The following CDH23 variants were observed in gnomAD, a reference collection of about 807,000 sequenced individuals.
The protein encoded by CDH23 is cadherin-23.
Under a neutral mutation model 317.1 loss-of-function variants are expected in CDH23, and 189 were observed. The ratio of observed to expected loss-of-function variants is 0.60; its 90% CI spans 0.53 to 0.67. The LOEUF (loss-of-function observed/expected upper bound fraction) is 0.67. Among genes scored for constraint, CDH23 ranks in the 30% least tolerant of loss-of-function variants. The pLI, the probability that CDH23 is intolerant of heterozygous loss-of-function variation, is 0.00. For missense variants in CDH23, 4,401 were observed against 4,592.4 expected (o/e 0.96, Z 1.20); for synonymous variants, 1,839 against 1,876.8 (o/e 0.98, Z 0.52).
At chr10:71,671,115 A>G (rs10823819) in intron 14 of CDH23, among the ~76,000 whole-genome samples, 3,123 of 152,182 alleles carry the variant, frequency 0.021, 182 homozygotes, top group East Asian at 0.16. Flanking sequence ...AATTGCCACC[A>G]TGCCTGGCTA....
chr10:71,741,770 A>C lies in CDH23; in HGVS notation c.4694A>C (p.Tyr1565Ser), dbSNP rs727504606. ...RDIGINSVLS[Y>S]YITEGNKDMA... ...ATCGGGATCAACAGTGTTCTGTCCTACTACATCACCGAGGGCAACAAGGAC... is the reference window on the plus strand; with the variant it reads ...ATCGGGATCAACAGTGTTCTGTCCTCCTACATCACCGAGGGCAACAAGGAC... The change falls in exon 38 of 70, where the codon TAC becomes TCC. Residue 1565 changes from tyrosine (Y) to serine (S), a missense_variant. Tyr to Ser is a moderately radical substitution (Grantham distance 144, BLOSUM62 -2). Transcript: ENST00000224721. The C allele has an allele frequency of 3.3e-5, 53 of 1,612,610 alleles. No homozygotes were observed. Among genetic ancestry groups the C allele is most frequent in the Non-Finnish European group, 3.9e-5 (46 of 1,179,414 alleles).
At chr10:71,443,004 T>C (rs1266301071) in intron 2 of CDH23, among the ~76,000 whole-genome samples, 4 of 152,140 alleles carry the variant, frequency 2.6e-5, no homozygotes, top group Non-Finnish European at 5.9e-5. Flanking sequence ...CCAGCAGCAG[T>C]GGCAGAGCAT....
chr10:71,623,811 T>C (rs1323318531), intron 11 of CDH23, among the ~76,000 whole-genome samples: 1 of 152,218 alleles, frequency 6.6e-6, no homozygotes, highest in African/African-American at 2.4e-5. Flanking sequence ...TCAGCCTTTA[T>C]GACAGAGGCT....
At position 71,741,077 on chromosome 10, in the gene CDH23, G is replaced by A. The variant is rs571965982; in HGVS notation, c.4617+127G>A. 2.7e-5 allele frequency: 30 copies of A among 1,117,816 alleles called. 1 individual carries two copies. In the South Asian group the frequency reaches 3.7e-4, roughly 14 times the overall value. 69.2% of individuals were successfully genotyped at this position (1,117,816 alleles called of 1,614,324 possible). ...CCCTCAGATCTCATGGATGGGAACTGTGGCTCATTCGTAGTGATAGCCCTA... is the reference window on the plus strand; with the variant it reads ...CCCTCAGATCTCATGGATGGGAACTATGGCTCATTCGTAGTGATAGCCCTA... On this transcript the variant is annotated intron_variant, in intron 37 of 69. Transcript: ENST00000224721.
intron 6 of CDH23, among the ~76,000 whole-genome samples, chr10:71,520,640 C>A (rs1854618195): frequency 6.6e-6 from 1 of 152,232 alleles, no homozygotes; most frequent in Non-Finnish European, 1.5e-5. Flanking sequence ...CCCCTCTGGG[C>A]AGCTCCCCAA....
intron 28 of CDH23, among the ~76,000 whole-genome samples, chr10:71,721,943 C>A (rs1484869866): frequency 6.6e-6 from 1 of 152,234 alleles, no homozygotes; most frequent in Non-Finnish European, 1.5e-5. Flanking sequence ...TCTTCCCAAC[C>A]TTCTCTGCTA....
intron 14 of CDH23, among the ~76,000 whole-genome samples, chr10:71,654,315 C>T (rs919495960): frequency 6.6e-5 from 10 of 152,198 alleles, no homozygotes; most frequent in African/African-American, 1.9e-4. Context: ...GTGGCTTGCC[C>T]TGGCACAGGA....
intron 6 of CDH23, among the ~76,000 whole-genome samples, chr10:71,561,072 C>T (rs989166388): frequency 6.6e-6 from 1 of 152,006 alleles, no homozygotes; most frequent in African/African-American, 2.4e-5. Context: ...CTTCCTTTCT[C>T]TTGCTGCTTA....
At chr10:71,620,572 C>T (rs970986509) in intron 11 of CDH23, among the ~76,000 whole-genome samples, 1 of 152,222 alleles carries the variant, frequency 6.6e-6, no homozygotes, top group Non-Finnish European at 1.5e-5. Context: ...GACCGCCCCC[C>T]ACCCAGGCTC....
chr10:71,736,995 C>G (rs1204523943), intron 34 of CDH23, among the ~76,000 whole-genome samples: 1 of 152,150 alleles, frequency 6.6e-6, no homozygotes, highest in Admixed American at 6.6e-5. Flanking sequence ...ACGGCAAGCA[C>G]AAAAGCCCTG....
chr10:71,561,887 A>G (rs1427861949), intron 6 of CDH23, among the ~76,000 whole-genome samples: 2 of 152,154 alleles, frequency 1.3e-5, no homozygotes, highest in African/African-American at 4.8e-5. Flanking sequence ...GGGGTGGGGC[A>G]GAGAAGTGGG....
intron 8 of CDH23, 119 bp from the exon 9 acceptor site, chr10:71,577,795 C>A: frequency 1.3e-6 from 1 of 797,482 alleles, no homozygotes. Flanking sequence ...CATCTACTTC[C>A]TGGGTTGCCC....
chr10:71,574,517 C>T (rs192051460), intron 8 of CDH23, among the ~76,000 whole-genome samples: 1 of 152,282 alleles, frequency 6.6e-6, no homozygotes, highest in African/African-American at 2.4e-5. Context: ...TCCCCTTCAG[C>T]CCCCACCAGC....
chr10:71,575,504 C>T (rs1858125458), intron 8 of CDH23, among the ~76,000 whole-genome samples: 1 of 152,162 alleles, frequency 6.6e-6, no homozygotes, highest in South Asian at 2.1e-4. Flanking sequence ...CCTTAACCAC[C>T]TTGTGGTGCT....
intron 14 of CDH23, among the ~76,000 whole-genome samples, chr10:71,661,196 G>T (rs186890042): frequency 1.8e-4 from 27 of 152,234 alleles, no homozygotes; most frequent in Admixed American, 1.8e-3. Context: ...AATCTGTAGG[G>T]CTGAGATGTG....
In CDH23 at chr10:71,528,473, G is replaced by A. The variant is rs141127152; in HGVS notation, c.429+17261G>A. ...CAGTGACTGTCAGGCAGGCAGGCCCGTCCCTTCTGCACGGCTGGCCTTGCA... is the reference window on the plus strand; with the variant it reads ...CAGTGACTGTCAGGCAGGCAGGCCCATCCCTTCTGCACGGCTGGCCTTGCA... On this transcript the variant is annotated intron_variant, in intron 6 of 69. Transcript: ENST00000224721. 4.1e-3 allele frequency among the ~76,000 whole-genome samples: 621 copies of A among 152,344 alleles called. 1 individual carries two copies. Among genetic ancestry groups the A allele is most frequent in the Non-Finnish European group, 6.8e-3 (460 of 68,032 alleles).
chr10:71,434,553 G>T (rs1316384298), intron 1 of CDH23, among the ~76,000 whole-genome samples: 1 of 152,072 alleles, frequency 6.6e-6, no homozygotes, highest in Non-Finnish European at 1.5e-5. Context: ...TCCTATGTGG[G>T]TGACTCCATG....
intron 3 of CDH23, among the ~76,000 whole-genome samples, chr10:71,466,029 G>A (rs1037576691): frequency 6.6e-6 from 1 of 152,136 alleles, no homozygotes; most frequent in Non-Finnish European, 1.5e-5. Flanking sequence ...TGCTCCCCAG[G>A]GACGGCTTCA....
At chr10:71,802,608 T>C (rs964521143) in intron 53 of CDH23, among the ~76,000 whole-genome samples, 1 of 152,200 alleles carries the variant, frequency 6.6e-6, no homozygotes, top group Admixed American at 6.5e-5. Flanking sequence ...ATAAGGGGTT[T>C]CTGCTTCAGG....
Sources: gnomAD v4.1 joint callset for allele counts (sites outside exome capture counted in the v4.1 genomes callset) on GRCh38, gnomAD v4.1.1 for gene constraint, MANE v1.5 for transcripts, NCBI Gene and HGNC (gene_info 2026-07-23, HGNC 2026-07-21) for gene names.